KCNH8: variants seen among roughly 807,000 people sequenced by gnomAD.
KCNH8 encodes the protein potassium voltage-gated channel subfamily H member 8, also known as voltage-gated delayed rectifier potassium channel KCNH8.
KCNH8 carries 70 observed loss-of-function variants against 103.6 expected under a neutral mutation model. That is an observed-to-expected ratio of 0.68 (90% CI 0.56 to 0.82). KCNH8 has a LOEUF of 0.82. Ranked by LOEUF, KCNH8 falls within the 40% of genes least tolerant of loss-of-function variation. KCNH8 has a pLI of 0.00. For missense variants in KCNH8, 1,217 were observed against 1,329.9 expected, an observed-to-expected ratio of 0.92 and a Z score of 1.32; for synonymous variants, 498 against 489.4, an observed-to-expected ratio of 1.02 and a Z score of -0.23.
intron 11 of KCNH8, among the ~76,000 whole-genome samples, chr3:19,499,236 G>A (rs1005477548): frequency 2.0e-5 from 3 of 152,044 alleles, no homozygotes; most frequent in African/African-American, 7.2e-5. Context: ...GGGAAGTTTA[G>A]AGAAAAAAGA....
rs565466098 is a variant in KCNH8 at position 19,495,728 on chromosome 3, A to T, written c.2041-14635A>T. Among the ~76,000 whole-genome samples, 342 of 147,776 alleles carry T rather than the reference A, an allele frequency of 2.3e-3. 1 individual carries two copies. Among genetic ancestry groups the T allele is most frequent in the South Asian group, 6.8e-3 (32 of 4,714 alleles). On this transcript the variant is annotated intron_variant, in intron 11 of 15. Coordinates refer to ENST00000328405, the MANE Select transcript of KCNH8 (RefSeq NM_144633.3). ...TACAAATTTAAATTTTTTTTTTTTT[A>T]AATTGCATGAAGAATGTCACTGGCA... is the stretch of plus-strand genomic sequence containing the variant.
chr3:19,235,931 A>G (rs1046795330), intron 1 of KCNH8, among the ~76,000 whole-genome samples: 2 of 152,246 alleles, frequency 1.3e-5, no homozygotes, highest in East Asian at 1.9e-4. Context: ...CATTTGTTTG[A>G]TAAAACAGAT....
intron 1 of KCNH8, among the ~76,000 whole-genome samples, chr3:19,161,613 T>C (rs2063235129): frequency 6.6e-6 from 1 of 152,226 alleles, no homozygotes; most frequent in African/African-American, 2.4e-5. Flanking sequence ...AAGTTCGTTC[T>C]GTAGGTGAAT....
intron 1 of KCNH8, among the ~76,000 whole-genome samples, chr3:19,233,160 G>C (rs1298791616): frequency 7.0e-6 from 1 of 141,934 alleles, no homozygotes; most frequent in Non-Finnish European, 1.5e-5. Flanking sequence ...AAATAACTTT[G>C]ATTTGATCTT....
chr3:19,177,452 T>A (rs1252511079), intron 1 of KCNH8, among the ~76,000 whole-genome samples: 1 of 152,124 alleles, frequency 6.6e-6, no homozygotes, highest in Non-Finnish European at 1.5e-5. Context: ...TTTTCTATTA[T>A]GTTCTATCTT....
At chr3:19,231,052 A>G (rs548155068) in intron 1 of KCNH8, among the ~76,000 whole-genome samples, 38 of 152,322 alleles carry the variant, frequency 2.5e-4, no homozygotes, top group African/African-American at 8.2e-4. Context: ...TTACTATAGT[A>G]TAGTAACTAT....
At chr3:19,519,778 C>T (rs2068940190) in intron 15 of KCNH8, among the ~76,000 whole-genome samples, 1 of 151,840 alleles carries the variant, frequency 6.6e-6, no homozygotes, top group Non-Finnish European at 1.5e-5. Flanking sequence ...TAGCTAAAAC[C>T]ACCCATCAAT....
At chr3:19,390,748 C>T (rs1379064231) in intron 6 of KCNH8, 110 bp downstream of exon 6, 2 of 1,035,422 alleles carry the variant, frequency 1.9e-6, no homozygotes, top group African/African-American at 1.6e-5. Context: ...GTGCCTTCTT[C>T]AATAAAGATG....
chr3:19,264,347 T>C lies in KCNH8; in HGVS notation c.310+10460T>C, dbSNP rs549524106. Among the ~76,000 whole-genome samples the C allele has an allele frequency of 2.0e-4, 30 of 152,210 alleles. 1 individual carries two copies. The South Asian group carries it at 3.1e-3, about 16-fold the overall frequency. ...TGCACATAAGCTTTGTATTTGTAAA[T>C]GTAGGCAGTCTTTCTTTTCTTCTTT... On this transcript the variant is annotated intron_variant, in intron 2 of 15. Transcript: ENST00000328405.
At chr3:19,463,365 G>A (rs904797787) in intron 11 of KCNH8, among the ~76,000 whole-genome samples, 1 of 151,094 alleles carries the variant, frequency 6.6e-6, no homozygotes, top group Non-Finnish European at 1.5e-5. Context: ...AAAGTTAATA[G>A]AGGACAAAAT....
intron 1 of KCNH8, among the ~76,000 whole-genome samples, chr3:19,152,405 C>T (rs1290261864): frequency 7.2e-5 from 11 of 152,108 alleles, no homozygotes; most frequent in African/African-American, 2.4e-4. Context: ...CATTTTCAAA[C>T]ATAATGGTGG....
intron 1 of KCNH8, among the ~76,000 whole-genome samples, chr3:19,162,650 A>G (rs1365621343): frequency 4.6e-5 from 7 of 152,162 alleles, no homozygotes; most frequent in African/African-American, 9.7e-5. Flanking sequence ...TAACTTAGAA[A>G]ATATTTTGGT....
At chr3:19,369,495 G>A (rs1160159058) in intron 5 of KCNH8, among the ~76,000 whole-genome samples, 1 of 151,842 alleles carries the variant, frequency 6.6e-6, no homozygotes, top group African/African-American at 2.4e-5. Flanking sequence ...ACTCATCATG[G>A]GAGATTGTTT....
chr3:19,431,821 G>A (rs977198830), intron 7 of KCNH8, among the ~76,000 whole-genome samples: 3 of 151,984 alleles, frequency 2.0e-5, no homozygotes, highest in Non-Finnish European at 2.9e-5. Flanking sequence ...ATGGTTCTTT[G>A]TTTTTTCGTG....
intron 1 of KCNH8, among the ~76,000 whole-genome samples, chr3:19,193,391 TC>T (rs1436967935): frequency 1.3e-5 from 2 of 151,652 alleles, no homozygotes; most frequent in Non-Finnish European, 3.0e-5. Context: ...CTCCCTTTTC[TC>T]CCTGCTTCTC....
intron 1 of KCNH8, among the ~76,000 whole-genome samples, chr3:19,194,568 A>C (rs988426287): frequency 2.6e-5 from 4 of 151,820 alleles, no homozygotes; most frequent in Non-Finnish European, 5.9e-5. Flanking sequence ...CATAGGGTGC[A>C]CAAGTTAATT....
chr3:19,402,112 A>G (rs191382375), intron 7 of KCNH8, among the ~76,000 whole-genome samples: 49 of 152,102 alleles, frequency 3.2e-4, no homozygotes, highest in African/African-American at 1.1e-3. Flanking sequence ...CTGAGAAGGT[A>G]TATTAGCAGC....
At chr3:19,487,616 C>A (rs1035539394) in intron 11 of KCNH8, among the ~76,000 whole-genome samples, 26 of 152,162 alleles carry the variant, frequency 1.7e-4, no homozygotes, top group Admixed American at 1.7e-3. Flanking sequence ...GAGGATTATC[C>A]TCTGCCCATA....
At chr3:19,252,061 T>C (rs1036833085) in intron 1 of KCNH8, among the ~76,000 whole-genome samples, 1 of 152,226 alleles carries the variant, frequency 6.6e-6, no homozygotes, top group East Asian at 1.9e-4. Flanking sequence ...TTGTTTCTTG[T>C]ATGAATGAAT....
Sources: gnomAD v4.1 joint callset for allele counts (sites outside exome capture counted in the v4.1 genomes callset) on GRCh38, gnomAD v4.1.1 for gene constraint, MANE v1.5 for transcripts, NCBI Gene and HGNC (gene_info 2026-07-23, HGNC 2026-07-21) for gene names.